The following FOCAD variants were observed in gnomAD, a reference collection of about 807,000 sequenced individuals.
The protein encoded by FOCAD is KIAA1797.
FOCAD carries 198 observed loss-of-function variants against 225.6 expected under a neutral mutation model. The ratio of observed to expected loss-of-function variants is 0.88; its 90% CI spans 0.78 to 0.99. The LOEUF is 0.99. Ranked by LOEUF, FOCAD falls within the 50% of genes least tolerant of loss-of-function variation. The pLI is 0.00. For missense variants in FOCAD, 2,713 were observed against 2,123.6 expected (o/e 1.28, Z -5.46); for synonymous variants, 897 against 755.0 (o/e 1.19, Z -3.08).
chr9:20,685,055 C>A (rs1822577483), intron 1 of FOCAD, among the ~76,000 whole-genome samples: 1 of 152,196 alleles, frequency 6.6e-6, no homozygotes, highest in Non-Finnish European at 1.5e-5. Flanking sequence ...CTGCCAATTT[C>A]ATGCAGTCAT....
intron 24 of FOCAD, among the ~76,000 whole-genome samples, chr9:20,923,046 A>G (rs774263734): frequency 2.1e-4 from 32 of 152,238 alleles, no homozygotes; most frequent in Non-Finnish European, 4.6e-4. Flanking sequence ...GTCTAAAAAC[A>G]GCCCTTTTTC....
chr9:20,770,839 C>T (rs1050005078), intron 8 of FOCAD, among the ~76,000 whole-genome samples: 3 of 152,082 alleles, frequency 2.0e-5, no homozygotes, highest in South Asian at 2.1e-4. Flanking sequence ...AAATACTCTT[C>T]GGATCATCAA....
At chr9:20,963,201 A>G (rs1838923401) in intron 35 of FOCAD, among the ~76,000 whole-genome samples, 1 of 152,154 alleles carries the variant, frequency 6.6e-6, no homozygotes, top group South Asian at 2.1e-4. Flanking sequence ...GATTTATTTC[A>G]TTATTGGACT....
chr9:20,738,218 A>C (rs1827307747), intron 4 of FOCAD, among the ~76,000 whole-genome samples: 1 of 152,242 alleles, frequency 6.6e-6, no homozygotes, highest in Admixed American at 6.5e-5. Flanking sequence ...AACAGTTCCA[A>C]AGGAAGAAGA....
chr9:20,738,889 A>C (rs1827369687), intron 4 of FOCAD, among the ~76,000 whole-genome samples: 1 of 152,334 alleles, frequency 6.6e-6, no homozygotes, highest in East Asian at 1.9e-4. Context: ...TTATTTCAAC[A>C]TGTAATCAAT....
At chr9:20,973,526 T>C (rs11791917) in intron 35 of FOCAD, among the ~76,000 whole-genome samples, 247 of 123,216 alleles carry the variant, frequency 2.0e-3, no homozygotes, top group East Asian at 6.9e-3. Flanking sequence ...CCCCTTCTTT[T>C]AGCATCTGTT....
At chr9:20,744,181 G>A (rs1827857141) in intron 5 of FOCAD, among the ~76,000 whole-genome samples, 1 of 152,132 alleles carries the variant, frequency 6.6e-6, no homozygotes, top group African/African-American at 2.4e-5. Flanking sequence ...AGGAGGAGGG[G>A]AAGAGAACCT....
At chr9:20,693,550 C>G (rs1188567546) in intron 1 of FOCAD, among the ~76,000 whole-genome samples, 2 of 152,154 alleles carry the variant, frequency 1.3e-5, no homozygotes, top group Non-Finnish European at 2.9e-5. Context: ...GTGTCTGATA[C>G]AAGGTAGGCA....
intron 28 of FOCAD, among the ~76,000 whole-genome samples, chr9:20,936,762 A>G (rs1836015858): frequency 6.6e-6 from 1 of 152,096 alleles, no homozygotes; most frequent in Non-Finnish European, 1.5e-5. Flanking sequence ...GAAGGAAACA[A>G]AATTAGGAAA....
intron 5 of FOCAD, among the ~76,000 whole-genome samples, chr9:20,756,395 T>C (rs1587035967): frequency 6.6e-6 from 1 of 152,168 alleles, no homozygotes; most frequent in East Asian, 1.9e-4. Flanking sequence ...AATGTACTCT[T>C]CTGTTTTTAA....
Position 20,948,761 on chromosome 9 carries a change from C to G in FOCAD, c.3799-90C>G, listed in dbSNP as rs1443847879. ...CCCTATAAGTTTGGTACCAATTCGA[C>G]CATTTATTTCTCCGTGTCCTCAGAA... On this transcript the variant is annotated intron_variant, in intron 31 of 43. Coordinates refer to ENST00000338382, the MANE Select transcript of FOCAD (RefSeq NM_001375567.1). The G allele has an allele frequency of 6.5e-6, 9 of 1,391,650 alleles. No homozygotes were observed. In the East Asian group the frequency reaches 1.8e-4, roughly 29 times the overall value. The allele number at this position is 1,391,650 out of a possible 1,614,324, so 86.2% of individuals were successfully genotyped here.
intron 2 of FOCAD, among the ~76,000 whole-genome samples, chr9:20,661,744 G>C (rs1252911820): frequency 6.6e-6 from 1 of 152,178 alleles, no homozygotes; most frequent in African/African-American, 2.4e-5. Flanking sequence ...AGTTAATTCA[G>C]TAATACCAGA....
At chr9:20,727,751 CA>C (rs1826329087) in intron 4 of FOCAD, among the ~76,000 whole-genome samples, 2 of 152,158 alleles carry the variant, frequency 1.3e-5, no homozygotes, top group African/African-American at 2.4e-5. Context: ...TTATCTTGTT[CA>C]GGGGTCTGAA....
intron 14 of FOCAD, 65 bp from the exon 15 acceptor site, chr9:20,822,924 A>G (rs1824481645): frequency 6.2e-6 from 9 of 1,460,744 alleles, no homozygotes; most frequent in South Asian, 1.4e-5. Context: ...TGTTTAGGCA[A>G]AAGATCTGGG....
intron 18 of FOCAD, among the ~76,000 whole-genome samples, chr9:20,869,356 T>C (rs968170459): frequency 2.0e-5 from 3 of 152,158 alleles, no homozygotes; most frequent in Non-Finnish European, 4.4e-5. Context: ...TATATATATA[T>C]AAGATATCCT....
intron 17 of FOCAD, among the ~76,000 whole-genome samples, chr9:20,866,720 A>G (rs377278052): frequency 2.0e-5 from 3 of 151,686 alleles, no homozygotes; most frequent in African/African-American, 7.2e-5. Context: ...CGAGGATTAA[A>G]TTTCTCGATC....
intron 35 of FOCAD, among the ~76,000 whole-genome samples, chr9:20,965,622 G>A (rs1332440105): frequency 1.3e-5 from 2 of 152,038 alleles, no homozygotes; most frequent in East Asian, 1.9e-4. Flanking sequence ...GTGCCATCAC[G>A]ACTATTTCCA....
At chr9:20,983,133 G>A (rs1458341130) in intron 39 of FOCAD, among the ~76,000 whole-genome samples, 2 of 152,118 alleles carry the variant, frequency 1.3e-5, no homozygotes, top group South Asian at 2.1e-4. Context: ...CATCAGCATC[G>A]CCTTGGAAAT....
intron 4 of FOCAD, among the ~76,000 whole-genome samples, chr9:20,729,252 G>A (rs1826464658): frequency 6.6e-6 from 1 of 152,164 alleles, no homozygotes; most frequent in Admixed American, 6.5e-5. Flanking sequence ...GGGGGAATCT[G>A]TTCTATGCCT....
Sources: gnomAD v4.1 joint callset for allele counts (sites outside exome capture counted in the v4.1 genomes callset) on GRCh38, gnomAD v4.1.1 for gene constraint, MANE v1.5 for transcripts, NCBI Gene and HGNC (gene_info 2026-07-23, HGNC 2026-07-21) for gene names.